GPR39: variants seen among roughly 807,000 people sequenced by gnomAD.
GPR39 encodes zinc sensing receptor.
A neutral mutation model predicts 18.4 loss-of-function variants in GPR39; 23 were observed. The ratio of observed to expected loss-of-function variants is 1.25; its 90% CI spans 0.90 to 1.77. The LOEUF is 1.77. GPR39 is among the 40% of genes most tolerant of loss of function. GPR39 has a pLI of 0.00. For synonymous variants in GPR39, 280 were observed against 257.9 expected, an observed-to-expected ratio of 1.09 and a Z score of -0.82; for missense variants, 647 against 602.4, an observed-to-expected ratio of 1.07 and a Z score of -0.78.
intron 1 of GPR39, among the ~76,000 whole-genome samples, chr2:132,530,546 A>G (rs1174114905): frequency 6.6e-6 from 1 of 152,222 alleles, no homozygotes; most frequent in Non-Finnish European, 1.5e-5. Flanking sequence ...TCCAAGACAC[A>G]TAATTTTCAG....
intron 1 of GPR39, among the ~76,000 whole-genome samples, chr2:132,642,215 T>G (rs914323918): frequency 2.6e-5 from 4 of 152,240 alleles, no homozygotes; most frequent in Non-Finnish European, 5.9e-5. Flanking sequence ...AATTCAGGTC[T>G]TTGTCTCTCT....
At chr2:132,601,861 A>G (rs970419759) in intron 1 of GPR39, among the ~76,000 whole-genome samples, 2 of 152,178 alleles carry the variant, frequency 1.3e-5, no homozygotes, top group Non-Finnish European at 2.9e-5. Flanking sequence ...CAAAAAGGCT[A>G]AAGATATCTG....
At chr2:132,565,188 A>G (rs78645337) in intron 1 of GPR39, among the ~76,000 whole-genome samples, 1,721 of 152,150 alleles carry the variant, frequency 0.011, 36 homozygotes, top group African/African-American at 0.038. Flanking sequence ...TTAGCCGGGC[A>G]TGGGGATTTT....
chr2:132,603,051 A>G (rs1034374134), intron 1 of GPR39, among the ~76,000 whole-genome samples: 8 of 152,044 alleles, frequency 5.3e-5, no homozygotes, highest in African/African-American at 1.9e-4. Flanking sequence ...TCCAAAGGAA[A>G]GGAATTCAGG....
chr2:132,562,672 G>A (rs1558840703), intron 1 of GPR39, among the ~76,000 whole-genome samples: 1 of 152,000 alleles, frequency 6.6e-6, no homozygotes, highest in Non-Finnish European at 1.5e-5. Context: ...CACCAAGAGG[G>A]AGCCACTGGT....
chr2:132,569,319 C>A (rs1573672924), intron 1 of GPR39, among the ~76,000 whole-genome samples: 1 of 152,066 alleles, frequency 6.6e-6, no homozygotes, highest in African/African-American at 2.4e-5. Context: ...ATAATTTGAG[C>A]CTGATTCACC....
At chr2:132,541,702 C>T (rs981185224) in intron 1 of GPR39, among the ~76,000 whole-genome samples, 3 of 152,126 alleles carry the variant, frequency 2.0e-5, no homozygotes, top group South Asian at 2.1e-4. Context: ...TTGATTGCCA[C>T]GGCCCCCTGT....
In GPR39 at chr2:132,483,087, C is replaced by G. The variant is rs189304482; in HGVS notation, c.856+65189C>G. On this transcript the variant is annotated intron_variant, in intron 1 of 1. Transcript: ENST00000329321. ...ATAACCTTCAGCAAGTTTCTTAAGCCCTTTGTGAGTCAGTTTTCTTATCTA... is the reference window on the plus strand; with the variant it reads ...ATAACCTTCAGCAAGTTTCTTAAGCGCTTTGTGAGTCAGTTTTCTTATCTA... Among the ~76,000 whole-genome samples, 435 of 152,220 alleles carry G rather than the reference C, an allele frequency of 2.9e-3. 4 individuals carry two copies. Among genetic ancestry groups the G allele is most frequent in the African/African-American group, 0.01 (422 of 41,538 alleles).
intron 1 of GPR39, among the ~76,000 whole-genome samples, chr2:132,583,523 G>A (rs73955706): frequency 0.013 from 1,993 of 152,112 alleles, 49 homozygotes; most frequent in African/African-American, 0.045. Context: ...TGCTTCTTAC[G>A]GAGAATGATG....
intron 1 of GPR39, among the ~76,000 whole-genome samples, chr2:132,524,202 C>T (rs538776764): frequency 2.0e-5 from 3 of 152,338 alleles, no homozygotes; most frequent in Non-Finnish European, 4.4e-5. Flanking sequence ...GCCAGAACAC[C>T]TGTGAAGAGG....
intron 1 of GPR39, among the ~76,000 whole-genome samples, chr2:132,496,175 G>A (rs1681638512): frequency 6.6e-6 from 1 of 152,136 alleles, no homozygotes; most frequent in Non-Finnish European, 1.5e-5. Context: ...AGTGCAGATG[G>A]TGTACAAAGT....
chr2:132,423,055 G>T (rs1006715139), intron 1 of GPR39, among the ~76,000 whole-genome samples: 1 of 151,940 alleles, frequency 6.6e-6, no homozygotes, highest in African/African-American at 2.4e-5. Context: ...AGCCCCTCTG[G>T]CTGTACAAGG....
intron 1 of GPR39, among the ~76,000 whole-genome samples, chr2:132,476,747 A>G (rs1257200684): frequency 1.3e-5 from 2 of 151,848 alleles, no homozygotes; most frequent in Non-Finnish European, 2.9e-5. Flanking sequence ...AAAGCATATG[A>G]TGCTTTATCA....
chr2:132,424,871 C>G (rs976906932), intron 1 of GPR39, among the ~76,000 whole-genome samples: 14 of 152,326 alleles, frequency 9.2e-5, no homozygotes, highest in Non-Finnish European at 1.9e-4. Flanking sequence ...AGGCAGACCT[C>G]TGGCCCTTGG....
At chr2:132,582,911 CT>C (rs1558847637) in intron 1 of GPR39, among the ~76,000 whole-genome samples, 1 of 114,058 alleles carries the variant, frequency 8.8e-6, no homozygotes, top group Non-Finnish European at 1.8e-5. Context: ...AGATTTCTTT[CT>C]TTCTTTTTTT....
intron 1 of GPR39, among the ~76,000 whole-genome samples, chr2:132,434,498 C>T (rs1362219646): frequency 3.3e-5 from 5 of 152,118 alleles, no homozygotes; most frequent in African/African-American, 1.2e-4. Flanking sequence ...CCACTCAGAG[C>T]CCCATGAGGT....
intron 1 of GPR39, among the ~76,000 whole-genome samples, chr2:132,433,257 T>C (rs1456583166): frequency 1.3e-5 from 2 of 152,160 alleles, no homozygotes; most frequent in African/African-American, 4.8e-5. Flanking sequence ...TTGAGAAATA[T>C]AAACAAATGT....
rs535810298 is a variant in GPR39, at chr2:132,483,359, T to G, written c.856+65461T>G. Among the ~76,000 whole-genome samples, 13 of 152,338 alleles carry G rather than the reference T, an allele frequency of 8.5e-5. No individual in the cohort carries two copies. The South Asian group carries it at 1.9e-3, about 22-fold the overall frequency. ...AATGCCATGACTTCTGGCCCACACTTATGCCCAATCCATCTTGCTTCATCC... is the reference window on the plus strand; with the variant it reads ...AATGCCATGACTTCTGGCCCACACTGATGCCCAATCCATCTTGCTTCATCC... On this transcript the variant is annotated intron_variant, in intron 1 of 1. Coordinates refer to ENST00000329321, the MANE Select transcript of GPR39 (RefSeq NM_001508.3).
intron 1 of GPR39, among the ~76,000 whole-genome samples, chr2:132,435,192 T>C (rs896525904): frequency 1.3e-5 from 2 of 152,108 alleles, no homozygotes; most frequent in African/African-American, 4.8e-5. Context: ...AATTATGGTG[T>C]ATTTCTGTAA....
Sources: allele counts gnomAD v4.1 joint callset (sites outside exome capture counted in the v4.1 genomes callset), GRCh38; gene constraint gnomAD v4.1.1; transcripts MANE v1.5; gene names NCBI Gene and HGNC (gene_info 2026-07-23, HGNC 2026-07-21).